DTNA: variants seen among roughly 807,000 people sequenced by gnomAD.
DTNA encodes dystrophin-related protein 3.
A neutral mutation model predicts 100.7 loss-of-function variants in DTNA; 43 were observed. The observed-to-expected ratio is 0.43, with a 90% CI of 0.33 to 0.55. DTNA has a LOEUF of 0.55. Among genes scored for constraint, DTNA ranks in the 20% least tolerant of loss-of-function variants. The pLI is 0.04. For missense variants in DTNA, 798 were observed against 953.9 expected, an observed-to-expected ratio of 0.84 and a Z score of 2.15; for synonymous variants, 349 against 347.9, an observed-to-expected ratio of 1.00 and a Z score of -0.04.
chr18:34,642,619 C>T (rs1038058359), intron 1 of DTNA, among the ~76,000 whole-genome samples: 9 of 151,778 alleles, frequency 5.9e-5, no homozygotes, highest in East Asian at 5.8e-4. Context: ...AATGCAGTGG[C>T]GCGATCTCGG....
intron 1 of DTNA, among the ~76,000 whole-genome samples, chr18:34,664,009 G>A (rs1218431595): frequency 2.0e-5 from 3 of 152,022 alleles, no homozygotes; most frequent in African/African-American, 7.2e-5. Context: ...GAAGTTCATT[G>A]ATATGTTTCA....
At chr18:34,674,623 G>T (rs2077174381) in intron 1 of DTNA, among the ~76,000 whole-genome samples, 1 of 152,106 alleles carries the variant, frequency 6.6e-6, no homozygotes, top group Non-Finnish European at 1.5e-5. Context: ...ATAATCTGGT[G>T]AAATTATTTG....
intron 1 of DTNA, among the ~76,000 whole-genome samples, chr18:34,687,515 A>G (rs1401451571): frequency 6.6e-6 from 1 of 152,170 alleles, no homozygotes; most frequent in Non-Finnish European, 1.5e-5. Flanking sequence ...ACTGTTTGTT[A>G]TGATTTCCAT....
At chr18:34,574,192 A>C (rs1005336466) in intron 1 of DTNA, 1 of 152,590 alleles carries the variant, frequency 6.6e-6, no homozygotes, top group Non-Finnish European at 1.5e-5. Flanking sequence ...CACCTCATCA[A>C]CTTTGGCCAA....
intron 15 of DTNA, 151 bp downstream of exon 15, chr18:34,852,079 G>T: frequency 2.4e-6 from 2 of 817,958 alleles, no homozygotes; most frequent in Non-Finnish European, 2.0e-6. Flanking sequence ...CCAAAAAGCT[G>T]GTCTTTAGAT....
At position 34,631,713 on chromosome 18, in the gene DTNA, A is replaced by G. The variant is rs544022186; in HGVS notation, c.-1-124263A>G. Among the ~76,000 whole-genome samples, 13 of 152,360 alleles carry G rather than the reference A, an allele frequency of 8.5e-5. 1 individual carries two copies. In the South Asian group the frequency reaches 2.5e-3, roughly 29 times the overall value. ...GATAACATGATTTCAGAGTTGGTCA[A>G]TAACAAGGAACTGTTACCACATGGA... On this transcript the variant is annotated intron_variant, in intron 1 of 19. Transcript: ENST00000283365.
chr18:34,830,461 C>CT (rs1385960540), intron 11 of DTNA, among the ~76,000 whole-genome samples: 3 of 152,184 alleles, frequency 2.0e-5, no homozygotes, highest in African/African-American at 7.2e-5. Flanking sequence ...TCAAAAGACA[C>CT]AGGGATATAA....
intron 1 of DTNA, among the ~76,000 whole-genome samples, chr18:34,692,819 A>G (rs542531660): frequency 4.6e-5 from 7 of 152,298 alleles, no homozygotes; most frequent in Admixed American, 2.0e-4. Context: ...ATCTGGGATT[A>G]CCACTGGAGG....
chr18:34,548,073 C>G (rs2044995866), intron 1 of DTNA, among the ~76,000 whole-genome samples: 1 of 152,066 alleles, frequency 6.6e-6, no homozygotes, highest in Non-Finnish European at 1.5e-5. Context: ...AACCTTTTAC[C>G]TTCTGTTTCT....
chr18:34,758,387 G>C (rs2092921879), intron 2 of DTNA, among the ~76,000 whole-genome samples: 1 of 152,234 alleles, frequency 6.6e-6, no homozygotes, highest in Non-Finnish European at 1.5e-5. Flanking sequence ...GTAATGGCCA[G>C]AGTTAAACAG....
At chr18:34,781,058 G>A (rs1238502708) in intron 3 of DTNA, among the ~76,000 whole-genome samples, 2 of 152,208 alleles carry the variant, frequency 1.3e-5, no homozygotes, top group East Asian at 3.9e-4. Flanking sequence ...GCTGAGGCCA[G>A]CCATTGTCCG....
chr18:34,697,782 G>T (rs779494130), intron 1 of DTNA, among the ~76,000 whole-genome samples: 15 of 152,098 alleles, frequency 9.9e-5, no homozygotes, highest in Non-Finnish European at 1.9e-4. Context: ...GGAACCCATT[G>T]TCTCGCTTGT....
At chr18:34,793,188 A>T (rs573004250) in intron 3 of DTNA, among the ~76,000 whole-genome samples, 1 of 152,236 alleles carries the variant, frequency 6.6e-6, no homozygotes, top group Non-Finnish European at 1.5e-5. Context: ...TGGAACAGGG[A>T]ATGAGGATGG....
chr18:34,692,253 C>T (rs1035147029), intron 1 of DTNA, among the ~76,000 whole-genome samples: 11 of 152,156 alleles, frequency 7.2e-5, no homozygotes, highest in East Asian at 1.9e-4. Context: ...AGAAGAGCTC[C>T]GTTCTGGGGA....
At chr18:34,759,920 G>A (rs1204808199) in intron 2 of DTNA, 1 of 152,154 alleles carries the variant, frequency 6.6e-6, no homozygotes. Flanking sequence ...CTGATCTTAA[G>A]TGAAACACCC....
chr18:34,615,194 T>G (rs1380882079), intron 1 of DTNA, among the ~76,000 whole-genome samples: 2 of 152,042 alleles, frequency 1.3e-5, no homozygotes, highest in Admixed American at 6.6e-5. Flanking sequence ...CAACACATAG[T>G]GAAAGCAGAA....
intron 1 of DTNA, among the ~76,000 whole-genome samples, chr18:34,681,724 ACACACACC>A (rs1253186320): frequency 1.7e-4 from 26 of 149,980 alleles, no homozygotes; most frequent in African/African-American, 6.5e-4. Context: ...ACACACACAC[ACACACACC>A]CCACACACAC....
rs2086503513 is a variant in DTNA, at chr18:34,725,702, G to A, written c.-2+15257G>A. ...GAAGACAGTGTGGCGATTCCTCAAGGATCTAGAACTGGAAATACCCTTTGA... is the reference window on the plus strand; with the variant it reads ...GAAGACAGTGTGGCGATTCCTCAAGAATCTAGAACTGGAAATACCCTTTGA... On this transcript the variant is annotated intron_variant, in intron 1 of 22. Transcript: ENST00000444659. Among the ~76,000 whole-genome samples, 3 of 152,176 alleles carry A rather than the reference G, an allele frequency of 2.0e-5. No homozygotes were observed. In the South Asian group the frequency reaches 6.2e-4, roughly 32 times the overall value.
At chr18:34,881,904 A>G (rs764580759) in intron 20 of DTNA, among the ~76,000 whole-genome samples, 165 bp from the exon 21 acceptor site, 7 of 152,212 alleles carry the variant, frequency 4.6e-5, no homozygotes, top group Non-Finnish European at 1.0e-4. Flanking sequence ...CAAACCTCCA[A>G]AATGTTTCCA....
Sources: gnomAD v4.1 joint callset for allele counts (sites outside exome capture counted in the v4.1 genomes callset) on GRCh38, gnomAD v4.1.1 for gene constraint, MANE v1.5 for transcripts, NCBI Gene and HGNC (gene_info 2026-07-23, HGNC 2026-07-21) for gene names.